ZHX2: variants seen among roughly 807,000 people sequenced by gnomAD.
ZHX2 encodes the protein zinc fingers and homeoboxes 2, also known as zinc fingers and homeoboxes protein 2.
In ZHX2, 6 loss-of-function variants were observed where a neutral mutation model predicts 21.9. That is an observed-to-expected ratio of 0.27 (90% confidence interval 0.15 to 0.54). ZHX2 has a LOEUF of 0.54. Among genes scored for constraint, ZHX2 ranks in the 20% least tolerant of loss-of-function variants. The pLI is 0.95. For missense variants in ZHX2, 908 were observed against 1,090.7 expected, an observed-to-expected ratio of 0.83 and a Z score of 2.36; for synonymous variants, 434 against 437.1, an observed-to-expected ratio of 0.99 and a Z score of 0.09.
chr8:122,969,245 G>A (rs1441980386), intron 3 of ZHX2, among the ~76,000 whole-genome samples: 1 of 152,122 alleles, frequency 6.6e-6, no homozygotes, highest in Non-Finnish European at 1.5e-5. Flanking sequence ...TGGGGCAGGG[G>A]GATGTGGGGA....
intron 2 of ZHX2, among the ~76,000 whole-genome samples, chr8:122,903,188 T>C (rs1820270666): frequency 6.6e-6 from 1 of 152,262 alleles, no homozygotes; most frequent in Non-Finnish European, 1.5e-5. Context: ...CCTGCTTCTT[T>C]CTTACTGGTG....
At chr8:122,957,551 T>G (rs1429310836) in intron 3 of ZHX2, among the ~76,000 whole-genome samples, 1 of 152,112 alleles carries the variant, frequency 6.6e-6, no homozygotes, top group African/African-American at 2.4e-5. Context: ...CACCCCAACC[T>G]CCGCCTCCCA....
In ZHX2 at chr8:122,940,857, C is replaced by T. The variant is rs375930036; in HGVS notation, c.-219-10435C>T. On this transcript the variant is annotated intron_variant, in intron 2 of 3. Transcript: ENST00000314393. ...GGTTCTACCCTCTTCAGCAAGCCAT[C>T]GAACCTCTCTGAGCCTCAGTTTCCT... 2.6e-4 allele frequency among the ~76,000 whole-genome samples: 40 copies of T among 152,230 alleles called. No homozygotes were observed. In the East Asian group the frequency reaches 4.1e-3, roughly 15 times the overall value.
At chr8:122,925,318 G>A (rs907803751) in intron 2 of ZHX2, among the ~76,000 whole-genome samples, 2 of 152,214 alleles carry the variant, frequency 1.3e-5, no homozygotes, top group African/African-American at 2.4e-5. Context: ...AGAGGAGGAC[G>A]TGATGGTGTG....
In ZHX2 at chr8:122,782,108, TGGAAGGGGGGTAC is replaced by T. The variant is rs1484686349; in HGVS notation, c.-283+173_-283+185del. Among the ~76,000 whole-genome samples, 1 of 57,450 alleles carries T rather than the reference TGGAAGGGGGGTAC, an allele frequency of 1.7e-5. No homozygotes were observed. Among genetic ancestry groups the T allele is most frequent in the Non-Finnish European group, 3.8e-5 (1 of 26,082 alleles). The allele number at this position is 57,450 out of a possible 152,430, so 37.7% of individuals were successfully genotyped here. On this transcript the variant is annotated intron_variant, in intron 1 of 3. Transcript: ENST00000314393. This position sits in a 1 kb window ranked among gnomAD's most constrained non-coding sequence, Gnocchi z 5.3. ...AATGGGACTTGGCCGGGTTTGTGATTGGAAGGGGGGTACGGAAGGGGGGGGGTGTGCAGGCTCT... is the reference window on the plus strand; with the variant it reads ...AATGGGACTTGGCCGGGTTTGTGATTGGAAGGGGGGGGGTGTGCAGGCTCT...
At chr8:122,812,463 C>T (rs1470558487) in intron 1 of ZHX2, among the ~76,000 whole-genome samples, 1 of 152,182 alleles carries the variant, frequency 6.6e-6, no homozygotes, top group East Asian at 1.9e-4. Context: ...AGGGAAGCAA[C>T]TTGCCCAAGG....
At chr8:122,855,907 C>T (rs1168092737) in intron 1 of ZHX2, among the ~76,000 whole-genome samples, 1 of 152,050 alleles carries the variant, frequency 6.6e-6, no homozygotes, top group Admixed American at 6.5e-5. Flanking sequence ...TTTTGCTAAA[C>T]AAGGTCAGGA....
chr8:122,893,817 G>C (rs1820037197), intron 2 of ZHX2, among the ~76,000 whole-genome samples: 1 of 152,118 alleles, frequency 6.6e-6, no homozygotes, highest in African/African-American at 2.4e-5. Flanking sequence ...ACATTTTGTA[G>C]ATTTCCTCTT....
intron 1 of ZHX2, among the ~76,000 whole-genome samples, chr8:122,853,555 C>T (rs911561872): frequency 6.6e-6 from 1 of 152,182 alleles, no homozygotes; most frequent in African/African-American, 2.4e-5. Context: ...CCCTGCCCCT[C>T]GAGTTGGCTC....
Position 122,935,208 on chromosome 8 carries a change from A to G in ZHX2, c.-219-16084A>G, listed in dbSNP as rs116583601. ...TTATCTCATATTTATCTATTCCTGA[A>G]TTGTCTTAAGTAAGAGAAAGAAAAA... On this transcript the variant is annotated intron_variant, in intron 2 of 3. Transcript: ENST00000314393. 7.0e-3 allele frequency among the ~76,000 whole-genome samples: 1,048 copies of G among 150,734 alleles called. 10 individuals carry two copies. Among genetic ancestry groups the G allele is most frequent in the African/African-American group, 0.023 (921 of 40,638 alleles).
chr8:122,954,725 G>A (rs1234879932), intron 3 of ZHX2, among the ~76,000 whole-genome samples: 4 of 152,120 alleles, frequency 2.6e-5, no homozygotes, highest in African/African-American at 7.2e-5. Context: ...TGGCCTGTTT[G>A]GGCTCCAGCC....
intron 2 of ZHX2, among the ~76,000 whole-genome samples, chr8:122,893,088 G>A (rs575502937): frequency 2.1e-4 from 32 of 152,294 alleles, no homozygotes; most frequent in African/African-American, 7.7e-4. Flanking sequence ...TAGCTTTGCT[G>A]GCTATGATAT....
intron 1 of ZHX2, among the ~76,000 whole-genome samples, chr8:122,789,920 A>G (rs1803935006): frequency 6.6e-6 from 1 of 152,210 alleles, no homozygotes; most frequent in Non-Finnish European, 1.5e-5. Flanking sequence ...GAGCCCGAAG[A>G]CTTCACGTTG....
At chr8:122,841,545 G>T (rs1818627740) in intron 1 of ZHX2, among the ~76,000 whole-genome samples, 1 of 152,134 alleles carries the variant, frequency 6.6e-6, no homozygotes. Context: ...GAGGGTCGGG[G>T]GTTGGGGGGC....
chr8:122,783,925 C>T (rs990992189), intron 1 of ZHX2, among the ~76,000 whole-genome samples: 3 of 152,204 alleles, frequency 2.0e-5, no homozygotes, highest in African/African-American at 7.2e-5. Flanking sequence ...TGCTCTGCTC[C>T]GCGATTGTTC....
At chr8:122,855,836 G>A (rs192466705) in intron 1 of ZHX2, among the ~76,000 whole-genome samples, 1 of 152,276 alleles carries the variant, frequency 6.6e-6, no homozygotes, top group East Asian at 1.9e-4. Flanking sequence ...CAGCTACCAT[G>A]TTGTACACAG....
At chr8:122,897,997 TGA>T (rs1187766596) in intron 2 of ZHX2, among the ~76,000 whole-genome samples, 1 of 152,236 alleles carries the variant, frequency 6.6e-6, no homozygotes, top group East Asian at 1.9e-4. Context: ...TTCGAGTGAA[TGA>T]AACACTTCAG....
rs757561583 is a variant in ZHX2 at position 122,823,355 on chromosome 8, C to T, written c.-282-40122C>T. On this transcript the variant is annotated intron_variant, in intron 1 of 3. Transcript: ENST00000314393. ...CTGCTCAGGCCTGCAAAGGCCATCT[C>T]GTCTAACCATGGGTTAAATGTACTC... Among the ~76,000 whole-genome samples, 4 of 152,362 alleles carry T rather than the reference C, an allele frequency of 2.6e-5. No homozygotes were observed. In the East Asian group the frequency reaches 5.8e-4, roughly 22 times the overall value.
intron 2 of ZHX2, among the ~76,000 whole-genome samples, chr8:122,937,015 G>C (rs1487197082): frequency 6.6e-6 from 1 of 152,252 alleles, no homozygotes; most frequent in African/African-American, 2.4e-5. Flanking sequence ...AGTGCCAGAG[G>C]TTCCACCTGG....
Sources: allele counts gnomAD v4.1 joint callset (sites outside exome capture counted in the v4.1 genomes callset), GRCh38; gene constraint gnomAD v4.1.1; non-coding constraint Gnocchi (gnomAD v3.1); transcripts MANE v1.5; gene names NCBI Gene and HGNC (gene_info 2026-07-23, HGNC 2026-07-21).